The following RNF220 variants were observed in gnomAD, a reference collection of about 807,000 sequenced individuals.
The protein encoded by RNF220 is E3 ubiquitin-protein ligase RNF220.
A neutral mutation model predicts 67.1 loss-of-function variants in RNF220; 7 were observed. The ratio of observed to expected loss-of-function variants is 0.10; its 90% CI spans 0.06 to 0.20. The LOEUF is 0.20. RNF220 is among the 10% of genes least tolerant of loss of function. The pLI, the probability that RNF220 is intolerant of heterozygous loss-of-function variation, is 1.00. For missense variants in RNF220, 565 were observed against 740.3 expected (o/e 0.76, Z 2.75); for synonymous variants, 270 against 283.2 (o/e 0.95, Z 0.47).
Position 44,649,676 on chromosome 1 carries a change from A to G in RNF220, c.1461A>G (p.Ser487=). The G allele has an allele frequency of 6.2e-7, 1 of 1,613,982 alleles. No homozygotes were observed. The highest frequency in any genetic ancestry group is 1.1e-5 in the South Asian group (1 of 91,072). Reference sequence around the variant, plus strand: ...CTTTTTACAGAATCACCGAAGATTCAGCTGTGACCACGTTTGAGGCTCTGA... The same window carrying G: ...CTTTTTACAGAATCACCGAAGATTCGGCTGTGACCACGTTTGAGGCTCTGA... The part of the protein sequence containing the change: ...NSDIEKITED[S]AVTTFEALKA... Residue 487 remains serine (S), a synonymous_variant, in exon 13 of 15, where the codon TCA becomes TCG. Transcript: ENST00000361799. This position sits in a 1 kb window ranked among gnomAD's most constrained non-coding sequence, Gnocchi z 5.9.
intron 2 of RNF220, among the ~76,000 whole-genome samples, chr1:44,510,409 T>C (rs889874454): frequency 2.4e-4 from 36 of 152,162 alleles, no homozygotes; most frequent in African/African-American, 8.2e-4. Flanking sequence ...CCTTGTCTTG[T>C]ATTTCATGCT....
intron 2 of RNF220, among the ~76,000 whole-genome samples, chr1:44,425,712 C>T (rs979416418): frequency 3.9e-5 from 6 of 152,196 alleles, no homozygotes; most frequent in African/African-American, 1.2e-4. Flanking sequence ...CTGCCCTACC[C>T]TACAGGGTTG....
At chr1:44,507,510 G>A (rs1327861131) in intron 2 of RNF220, among the ~76,000 whole-genome samples, 2 of 152,058 alleles carry the variant, frequency 1.3e-5, no homozygotes, top group East Asian at 1.9e-4. Flanking sequence ...TCTTGGCCTC[G>A]TCAGTCCTGG....
At chr1:44,424,067 C>A (rs1649500400) in intron 2 of RNF220, 2 of 967,774 alleles carry the variant, frequency 2.1e-6, no homozygotes, top group Admixed American at 1.2e-4. Context: ...GAGCGTTGTG[C>A]TCGGTGCTGT....
chr1:44,512,811 G>A lies in RNF220; in HGVS notation c.625+100089G>A, dbSNP rs80001995. 1.0e-3 allele frequency among the ~76,000 whole-genome samples: 155 copies of A among 152,260 alleles called. No individual in the cohort carries two copies. In the East Asian group the frequency reaches 0.012, roughly 12 times the overall value. On this transcript the variant is annotated intron_variant, in intron 2 of 14. Transcript: ENST00000361799. ...GGTGTAACTACGGTGGAAGAAGAGC[G>A]GCTGTCTCAGGTGGCACAGGGGCCT...
At chr1:44,407,022 G>A (rs1203247792) in intron 1 of RNF220, among the ~76,000 whole-genome samples, 1 of 152,198 alleles carries the variant, frequency 6.6e-6, no homozygotes, top group African/African-American at 2.4e-5. Context: ...CTCGGGTCGT[G>A]GATGCAGCTC....
intron 2 of RNF220, among the ~76,000 whole-genome samples, chr1:44,528,375 A>C (rs1449696765): frequency 1.3e-5 from 2 of 150,606 alleles, no homozygotes; most frequent in Non-Finnish European, 2.9e-5. Context: ...ATCTCGGCTC[A>C]CTGCAAGCTC....
chr1:44,582,469 G>A (rs535680385), intron 2 of RNF220, among the ~76,000 whole-genome samples: 19 of 152,234 alleles, frequency 1.2e-4, no homozygotes, highest in South Asian at 4.1e-4. Flanking sequence ...AAGAAGAAGC[G>A]AGTGGTGCCG....
In RNF220 at chr1:44,460,000, T is replaced by A. The variant is rs565806598; in HGVS notation, c.625+47278T>A. On this transcript the variant is annotated intron_variant, in intron 2 of 14. Transcript: ENST00000361799. The stretch of plus-strand genomic sequence containing the variant: ...AGTCTATTTGAAAGATGAAGAACAC[T>A]GGTGTGTGTGGGAGAGGGGGATGAA... 2.3e-3 allele frequency among the ~76,000 whole-genome samples: 347 copies of A among 152,132 alleles called. 4 individuals are homozygous for A. Among genetic ancestry groups the A allele is most frequent in the African/African-American group, 8.0e-3 (330 of 41,498 alleles).
intron 8 of RNF220, among the ~76,000 whole-genome samples, chr1:44,637,062 CCTCT>C (rs1220505684): frequency 3.3e-5 from 5 of 152,206 alleles, no homozygotes; most frequent in Admixed American, 1.3e-4. Flanking sequence ...TTCCCGTCTG[CCTCT>C]CTCTCTGGGC....
At chr1:44,534,423 G>A (rs147975859) in intron 2 of RNF220, among the ~76,000 whole-genome samples, 150 of 152,052 alleles carry the variant, frequency 9.9e-4, no homozygotes, top group Middle Eastern at 3.4e-3. Flanking sequence ...TGCTGCACCC[G>A]TTAACTCGTC....
At chr1:44,545,830 C>T (rs1284137900) in intron 2 of RNF220, among the ~76,000 whole-genome samples, 1 of 151,274 alleles carries the variant, frequency 6.6e-6, no homozygotes, top group African/African-American at 2.4e-5. Context: ...AAACTCGGCT[C>T]ACTGCAACCT....
intron 2 of RNF220, among the ~76,000 whole-genome samples, chr1:44,490,477 A>C (rs1656753013): frequency 7.3e-6 from 1 of 137,588 alleles, no homozygotes. Flanking sequence ...ACTTCATTCC[A>C]AAAAAAAAAA....
intron 6 of RNF220, among the ~76,000 whole-genome samples, chr1:44,634,498 G>A (rs143665642): frequency 5.4e-4 from 82 of 152,298 alleles, no homozygotes; most frequent in Middle Eastern, 6.8e-3. Flanking sequence ...TGAGCTTCCC[G>A]TTAGGGTCAC....
chr1:44,502,124 A>G, intron 2 of RNF220, among the ~76,000 whole-genome samples: 1 of 136,896 alleles, frequency 7.3e-6, no homozygotes, highest in East Asian at 2.2e-4. Flanking sequence ...TGGCTGCAGT[A>G]TGATCCTTTG....
At position 44,645,721 on chromosome 1, in the gene RNF220, G is replaced by A. The variant is rs918129236; in HGVS notation, c.1445+233G>A. Among the ~76,000 whole-genome samples, 37 of 152,248 alleles carry A rather than the reference G, an allele frequency of 2.4e-4. No individual in the cohort carries two copies. The highest frequency in any genetic ancestry group is 4.6e-4 in the Admixed American group (7 of 15,300). On this transcript the variant is annotated intron_variant, in intron 12 of 14. Coordinates refer to ENST00000361799, the MANE Select transcript of RNF220 (RefSeq NM_018150.4). The surrounding 1 kb of genome is among the most constrained non-coding windows in gnomAD (Gnocchi z 5.0). ...TGGCGGTGGGAGGAGCAGTCCACCC[G>A]CCTGCCTGCCTGCCTGCCCGCCTGC... is the stretch of plus-strand genomic sequence containing the variant.
At position 44,417,854 on chromosome 1, in the gene RNF220, G is replaced by A. The variant is rs900479078; in HGVS notation, c.625+5132G>A. On this transcript the variant is annotated intron_variant, in intron 2 of 14. Transcript: ENST00000361799. This position sits in a 1 kb window ranked among gnomAD's most constrained non-coding sequence, Gnocchi z 4.0. ...CAAGGGACCCCCAGCCTCCGCCACC[G>A]AGGCGGCTTGCAAGTGGTTTCAGAA... Among the ~76,000 whole-genome samples, 3 of 152,158 alleles carry A rather than the reference G, an allele frequency of 2.0e-5. No homozygotes were observed. Among genetic ancestry groups the A allele is most frequent in the Non-Finnish European group, 4.4e-5 (3 of 68,024 alleles).
At chr1:44,599,878 G>T (rs1332693354) in intron 2 of RNF220, among the ~76,000 whole-genome samples, 1 of 152,156 alleles carries the variant, frequency 6.6e-6, no homozygotes, top group Non-Finnish European at 1.5e-5. Flanking sequence ...ATCTTAAGCA[G>T]CTGAATGATA....
At chr1:44,457,273 C>T (rs1653285434) in intron 2 of RNF220, among the ~76,000 whole-genome samples, 1 of 151,992 alleles carries the variant, frequency 6.6e-6, no homozygotes, top group Non-Finnish European at 1.5e-5. Flanking sequence ...CATAACATTT[C>T]AATAGGGAAA....
Sources: allele counts gnomAD v4.1 joint callset (sites outside exome capture counted in the v4.1 genomes callset), GRCh38; gene constraint gnomAD v4.1.1; non-coding constraint Gnocchi (gnomAD v3.1); transcripts MANE v1.5; gene names NCBI Gene and HGNC (gene_info 2026-07-23, HGNC 2026-07-21).